ABCF1: variants seen among roughly 807,000 people sequenced by gnomAD.
ABCF1 encodes ATP-binding cassette sub-family F member 1.
A neutral mutation model predicts 126.3 loss-of-function variants in ABCF1; 73 were observed. That is an observed-to-expected ratio of 0.58 (90% CI 0.48 to 0.70). The LOEUF (loss-of-function observed/expected upper bound fraction) is 0.70. Ranked by LOEUF, ABCF1 falls within the 30% of genes least tolerant of loss-of-function variation. The pLI is 0.00. For synonymous variants in ABCF1, 345 were observed against 396.4 expected (o/e 0.87, Z 1.54); for missense variants, 786 against 1,057.5 (o/e 0.74, Z 3.56).
In ABCF1 at chr6:30,583,099, G is replaced by C. The variant is rs752924162; in HGVS notation, c.826G>C (p.Ala276Pro). Residue 276 changes from alanine (A) to proline (P), a missense_variant, in exon 10 of 25, where the codon GCA becomes CCA. Ala to Pro is a conservative substitution (Grantham distance 27). Coordinates refer to ENST00000326195, the MANE Select transcript of ABCF1 (RefSeq NM_001025091.2). The surrounding 1 kb of genome is among the most constrained non-coding windows in gnomAD (Gnocchi z 4.1). Reference sequence around the variant, plus strand: ...TGAGCGCCAAGTGGCTTCATTAAAAGCAGCCAATGCAGCTGAAAATGACTT... The same window carrying C: ...TGAGCGCCAAGTGGCTTCATTAAAACCAGCCAATGCAGCTGAAAATGACTT... ...EYERQVASLKAANAAENDFSV... is the reference protein window; with the variant it reads ...EYERQVASLKPANAAENDFSV... 1.9e-6 allele frequency: 3 copies of C among 1,610,898 alleles called. No individual in the cohort carries two copies. Among genetic ancestry groups the C allele is most frequent in the South Asian group, 1.1e-5 (1 of 91,052 alleles).
chr6:30,585,446 G>A (rs1802064687), intron 15 of ABCF1, 103 bp downstream of exon 15: 1 of 1,582,146 alleles, frequency 6.3e-7, no homozygotes, highest in Non-Finnish European at 8.7e-7. Context: ...CCTGTGAGTG[G>A]AGCTCTATTC....
In ABCF1 at chr6:30,583,780, G is replaced by A. The variant is rs1183908854; in HGVS notation, c.1017-25G>A. 1 of 1,613,974 alleles carries A rather than the reference G, an allele frequency of 6.2e-7. No homozygotes were observed. The highest frequency in any genetic ancestry group is 1.3e-5 in the African/African-American group (1 of 75,038). On this transcript the variant is annotated intron_variant, in intron 11 of 24. Transcript: ENST00000326195. The surrounding 1 kb of genome is among the most constrained non-coding windows in gnomAD (Gnocchi z 4.1). The stretch of plus-strand genomic sequence containing the variant: ...AGAAGAGATTTCTCAGTGGTGGCCA[G>A]GTCCTAATAGCTTTTATTCCCCAGC...
In ABCF1 at chr6:30,584,002, G is replaced by C; in HGVS notation, c.1102+112G>C. 7.0e-7 allele frequency: 1 copy of C among 1,426,904 alleles called. No homozygotes were observed. Among genetic ancestry groups the C allele is most frequent in the Non-Finnish European group, 9.7e-7 (1 of 1,032,404 alleles). The allele number at this position is 1,426,904 out of a possible 1,614,324, so 88.4% of individuals were successfully genotyped here. A position where few individuals can be genotyped will look rare whatever the true frequency, so the allele number is the denominator to read the frequency against. The stretch of plus-strand genomic sequence containing the variant: ...TATGGAGTTGGAAGGGATGTGGAGG[G>C]AGACTGGAGACCGGGAAAGGGATGC... On this transcript the variant is annotated intron_variant, in intron 12 of 24. Transcript: ENST00000326195. This position sits in a 1 kb window ranked among gnomAD's most constrained non-coding sequence, Gnocchi z 4.6.
chr6:30,581,136 G>T (rs978055447), intron 8 of ABCF1, among the ~76,000 whole-genome samples: 3 of 151,816 alleles, frequency 2.0e-5, no homozygotes, highest in African/African-American at 7.3e-5. Flanking sequence ...TGTCAGGTCA[G>T]CCTTGGCCCA....
At position 30,583,759 on chromosome 6, in the gene ABCF1, G is replaced by A. The variant is rs767624548; in HGVS notation, c.1017-46G>A. ...AAAAAAGGGCCTGGAGGGAAAAGAA[G>A]AGATTTCTCAGTGGTGGCCAGGTCC... On this transcript the variant is annotated intron_variant, in intron 11 of 24. Coordinates refer to ENST00000326195, the MANE Select transcript of ABCF1 (RefSeq NM_001025091.2). The surrounding 1 kb of genome is among the most constrained non-coding windows in gnomAD (Gnocchi z 4.1). The A allele has an allele frequency of 6.2e-7, 1 of 1,613,664 alleles. No homozygotes were observed. Among genetic ancestry groups the A allele is most frequent in the South Asian group, 1.1e-5 (1 of 91,080 alleles).
rs9256927 is a variant in ABCF1 at position 30,576,276 on chromosome 6, CTTTTTT to C, written c.74-1109_74-1104del. On this transcript the variant is annotated intron_variant, in intron 1 of 24. Coordinates refer to ENST00000326195, the MANE Select transcript of ABCF1 (RefSeq NM_001025091.2). ...AACACAGGAGTCATCTCTGAGTGCT[CTTTTTT>C]TTTTTTTTTTTTTTTTTTTTTTTGA... Among the ~76,000 whole-genome samples the C allele has an allele frequency of 1.7e-3, 75 of 44,152 alleles. No homozygotes were observed. In the South Asian group the frequency reaches 0.027, roughly 16 times the overall value. The allele number at this position is 44,152 out of a possible 152,430, so 29.0% of individuals were successfully genotyped here.
At position 30,583,305 on chromosome 6, in the gene ABCF1, G is replaced by A; in HGVS notation, c.915+117G>A. The A allele has an allele frequency of 1.4e-6, 2 of 1,402,160 alleles. No individual in the cohort carries two copies. Among genetic ancestry groups the A allele is most frequent in the Non-Finnish European group, 1.9e-6 (2 of 1,035,986 alleles). 86.9% of individuals were successfully genotyped at this position (1,402,160 alleles called of 1,614,324 possible). On this transcript the variant is annotated intron_variant, in intron 10 of 24. Coordinates refer to ENST00000326195, the MANE Select transcript of ABCF1 (RefSeq NM_001025091.2). The surrounding 1 kb of genome is among the most constrained non-coding windows in gnomAD (Gnocchi z 4.1). ...TAGTTCAGTGGGAAGAAAGATTGGA[G>A]GCATTTTCCACACCTTAGGTTCTGC...
chr6:30,589,941 C>A lies in ABCF1; in HGVS notation c.2200C>A (p.His734Asn), dbSNP rs1166902373. The A allele has an allele frequency of 6.2e-7, 1 of 1,613,882 alleles. No homozygotes were observed. Residue 734 changes from histidine to asparagine, a missense_variant, in exon 22 of 25, where the codon CAC becomes AAC. Transcript: ENST00000326195. ...CCTGGGCCGCTTCGGCCTGGAGAGT[C>A]ACGCCCACACCATCCAGATCTGCAA... ...KCLGRFGLES[H>N]AHTIQICKLS...
chr6:30,572,337 C>G (rs112975692), intron 1 of ABCF1, among the ~76,000 whole-genome samples: 109 of 152,258 alleles, frequency 7.2e-4, no homozygotes, highest in Non-Finnish European at 1.4e-3. Context: ...GACTTTCCCT[C>G]AAGGGACAAC....
rs1801566460 is a variant in ABCF1 at position 30,577,509 on chromosome 6, A to G, written c.120+54A>G. On this transcript the variant is annotated intron_variant, in intron 2 of 24. Coordinates refer to ENST00000326195, the MANE Select transcript of ABCF1 (RefSeq NM_001025091.2). ...ATGACTATGGATGTTTCCAAGCTAA[A>G]TAAATAGCCATGTGAAGGAGGTGGG... 8 of 1,590,270 alleles carry G rather than the reference A, an allele frequency of 5.0e-6. No individual in the cohort carries two copies. The East Asian group carries it at 1.8e-4, about 36-fold the overall frequency.
chr6:30,590,208 A>G lies in ABCF1; in HGVS notation c.2293A>G (p.Ile765Val). The change falls in exon 23 of 25, where the codon ATC becomes GTC. Residue 765 changes from isoleucine to valine, a missense_variant. Physicochemically the swap from Ile to Val is conservative, Grantham distance 29 (BLOSUM62 3). This residue lies in a region of ABCF1 where 288 missense variants were observed against 423.5 expected (regional missense o/e 0.68). Transcript: ENST00000326195. ...ELACREPDVL[I>V]LDEPTNNLDI... ...GGCCTGTCGGGAACCTGATGTCCTC[A>G]TCTTGGTGAGTGAGCTGGGCTGTGG... 1 of 1,613,058 alleles carries G rather than the reference A, an allele frequency of 6.2e-7. No individual in the cohort carries two copies. The highest frequency in any genetic ancestry group is 8.5e-7 in the Non-Finnish European group (1 of 1,180,022).
chr6:30,577,514 T>C, intron 2 of ABCF1, 59 bp downstream of exon 2: 2 of 1,585,810 alleles, frequency 1.3e-6, no homozygotes, highest in Non-Finnish European at 1.7e-6. Flanking sequence ...GCTAAATAAA[T>C]AGCCATGTGA....
rs987246903 is a variant in ABCF1 at position 30,571,486 on chromosome 6, C to G, written c.-2C>G. 1 of 1,609,702 alleles carries G rather than the reference C, an allele frequency of 6.2e-7. No individual in the cohort carries two copies. The highest frequency in any genetic ancestry group is 1.3e-5 in the African/African-American group (1 of 74,888). ...GCCACAGTAGCTGTAACTGCCACCGCGATGCCGAAGGCGCCCAAGCAGCAG... is the reference window on the plus strand; with the variant it reads ...GCCACAGTAGCTGTAACTGCCACCGGGATGCCGAAGGCGCCCAAGCAGCAG... On this transcript the variant is annotated 5_prime_UTR_variant, in exon 1 of 25. Transcript: ENST00000326195.
chr6:30,577,527 G>T, intron 2 of ABCF1, 72 bp downstream of exon 2: 1 of 1,552,058 alleles, frequency 6.4e-7, no homozygotes, highest in Non-Finnish European at 8.8e-7. Flanking sequence ...CCATGTGAAG[G>T]AGGTGGGAGG....
chr6:30,586,283 C>T lies in ABCF1; in HGVS notation c.1863C>T (p.Ser621=). The T allele has an allele frequency of 6.2e-7, 1 of 1,610,018 alleles. No individual in the cohort carries two copies. ...RFTFPDPPPL[S]PPVLGLHGVT... is the part of the protein sequence containing the mutation. ...CTTTTCCAGACCCCCCACCACTCAG[C>T]CCTCCAGTGCTGGGTCTGCATGGTG... Residue 621 remains serine, a synonymous_variant, in exon 18 of 25, where the codon AGC becomes AGT. Coordinates refer to ENST00000326195, the MANE Select transcript of ABCF1 (RefSeq NM_001025091.2). This position sits in a 1 kb window ranked among gnomAD's most constrained non-coding sequence, Gnocchi z 4.9.
In ABCF1 at chr6:30,578,470, G is replaced by A. The variant is rs749657592; in HGVS notation, c.382G>A (p.Gly128Ser). 6.2e-7 allele frequency: 1 copy of A among 1,613,982 alleles called. No individual in the cohort carries two copies. The highest frequency in any genetic ancestry group is 8.5e-7 in the Non-Finnish European group (1 of 1,179,996). The part of the protein sequence containing the change: ...PKPRGGKKTK[G>S]GNVFAALIQD... ...CTTCTGTGGCCCTTTCATTCTCTAG[G>A]GTGGTAATGTTTTTGCAGCCCTGAT... is the stretch of plus-strand genomic sequence containing the variant. The change falls in exon 6 of 25, where the codon GGT becomes AGT. Residue 128 changes from glycine (G) to serine (S), a missense_variant and splice_region_variant. Physicochemically the swap from Gly to Ser is moderately conservative, Grantham distance 56. This residue lies in a region of ABCF1 where 322 missense variants were observed against 322.9 expected (regional missense o/e 1.00). Transcript: ENST00000326195.
rs1206931462 is a variant in ABCF1, at chr6:30,584,569, G to A, written c.1391+3G>A. ...CGCATGCGTGTCTCCCTGGCCAGGT[G>A]GGCCATTCACCTCACTGCCCTCCCT... On this transcript the variant is annotated splice_donor_region_variant and intron_variant, in intron 14 of 24. Transcript: ENST00000326195. The surrounding 1 kb of genome is among the most constrained non-coding windows in gnomAD (Gnocchi z 4.6). 1.3e-6 allele frequency: 2 copies of A among 1,590,986 alleles called. No homozygotes were observed. Among genetic ancestry groups the A allele is most frequent in the Non-Finnish European group, 1.7e-6 (2 of 1,168,632 alleles).
At chr6:30,581,497 G>C (rs1801816125) in intron 8 of ABCF1, among the ~76,000 whole-genome samples, 1 of 138,968 alleles carries the variant, frequency 7.2e-6, no homozygotes, top group African/African-American at 2.7e-5. Flanking sequence ...TCTGCCTCCC[G>C]GGTTCAAGCA....
chr6:30,586,484 C>A lies in ABCF1; in HGVS notation c.1896C>A (p.Phe632Leu). 1 of 1,613,630 alleles carries A rather than the reference C, an allele frequency of 6.2e-7. No homozygotes were observed. Among genetic ancestry groups the A allele is most frequent in the South Asian group, 1.1e-5 (1 of 91,080 alleles). Reference sequence around the variant, plus strand: ...TTTCGTGGCTTTCAGGTGTGACATTCGGCTACCAGGGACAGAAACCACTCT... The same window carrying A: ...TTTCGTGGCTTTCAGGTGTGACATTAGGCTACCAGGGACAGAAACCACTCT... ...PPVLGLHGVT[F>L]GYQGQKPLFK... Residue 632 changes from phenylalanine (F) to leucine (L), a missense_variant, in exon 19 of 25, where the codon TTC becomes TTA. Physicochemically the swap from Phe to Leu is conservative, Grantham distance 22 (BLOSUM62 0). Coordinates refer to ENST00000326195, the MANE Select transcript of ABCF1 (RefSeq NM_001025091.2). The surrounding 1 kb of genome is among the most constrained non-coding windows in gnomAD (Gnocchi z 4.9).
Sources: allele counts gnomAD v4.1 joint callset (sites outside exome capture counted in the v4.1 genomes callset), GRCh38; gene constraint gnomAD v4.1.1; regional missense constraint gnomAD v4.1.1; non-coding constraint Gnocchi (gnomAD v3.1); transcripts MANE v1.5; gene names NCBI Gene and HGNC (gene_info 2026-07-23, HGNC 2026-07-21).